Variants in NRXN1 observed in about 807,000 individuals in gnomAD.
NRXN1 encodes neurexin 1, also known as neurexin-1.
A neutral mutation model predicts 150.9 loss-of-function variants in NRXN1; 39 were observed. That is an observed-to-expected ratio of 0.26 (90% CI 0.20 to 0.34). The LOEUF is 0.34. NRXN1 is among the 10% of genes least tolerant of loss of function. The pLI is 1.00. For synonymous variants in NRXN1, 924 were observed against 757.0 expected (o/e 1.22, Z -3.62); for missense variants, 1,815 against 1,949.9 (o/e 0.93, Z 1.30).
At chr2:49,977,672 A>G (rs1263667151) in intron 21 of NRXN1, among the ~76,000 whole-genome samples, 1 of 152,168 alleles carries the variant, frequency 6.6e-6, no homozygotes, top group Non-Finnish European at 1.5e-5. Flanking sequence ...GACAACTCAA[A>G]GGATGGTGAC....
Position 50,052,519 on chromosome 2 carries a change from G to A in NRXN1, c.4128+752C>T, listed in dbSNP as rs566577628. 2.6e-5 allele frequency among the ~76,000 whole-genome samples: 4 copies of A among 152,028 alleles called. No individual in the cohort carries two copies. The South Asian group carries it at 8.3e-4, about 32-fold the overall frequency. On this transcript the variant is annotated intron_variant, in intron 21 of 22. Coordinates refer to ENST00000401669, the MANE Select transcript of NRXN1 (RefSeq NM_001330078.2). ...ATGGAACACCAATATTCAAACCAGT[G>A]CCTGAAATGTAGTAGGCAATCAATA...
At chr2:50,771,873 G>T (rs1025317344) in intron 5 of NRXN1, among the ~76,000 whole-genome samples, 19 of 152,034 alleles carry the variant, frequency 1.2e-4, no homozygotes, top group Admixed American at 5.2e-4. Flanking sequence ...CAGAATTCCT[G>T]CCCTAATAAA....
At chr2:50,019,312 G>A in intron 21 of NRXN1, 1 of 471,216 alleles carries the variant, frequency 2.1e-6, no homozygotes. Context: ...TGTTTATTCT[G>A]TACTTTTCTG....
At chr2:50,038,785 TC>T (rs1350030248) in intron 21 of NRXN1, among the ~76,000 whole-genome samples, 176 of 132,340 alleles carry the variant, frequency 1.3e-3, no homozygotes, top group African/African-American at 4.7e-3. Flanking sequence ...CTTCCTTCCT[TC>T]CTTCCCACCC....
In NRXN1 at chr2:51,028,427, TTTC is replaced by T. The variant is rs1017606429; in HGVS notation, c.-157_-155del. On this transcript the variant is annotated 5_prime_UTR_variant, in exon 2 of 23. Coordinates refer to ENST00000401669, the MANE Select transcript of NRXN1 (RefSeq NM_001330078.2). Reference sequence around the variant, plus strand: ...GTGCCCTCCTTTATCTAGTTCTTTTTTTCTTCTTCTTCTTCCAATAACCCCGCC... The same window carrying T: ...GTGCCCTCCTTTATCTAGTTCTTTTTTTCTTCTTCTTCCAATAACCCCGCC... 51 of 461,476 alleles carry T rather than the reference TTTC, an allele frequency of 1.1e-4. No individual in the cohort carries two copies. The highest frequency in any genetic ancestry group is 6.0e-4 in the South Asian group (9 of 14,896). The allele number at this position is 461,476 out of a possible 1,614,324, so 28.6% of individuals were successfully genotyped here.
chr2:50,349,611 C>T (rs536448941), intron 17 of NRXN1, among the ~76,000 whole-genome samples: 1 of 152,322 alleles, frequency 6.6e-6, no homozygotes, highest in Admixed American at 6.5e-5. Context: ...GAGTCTTTCC[C>T]TGAGGCACTG....
At chr2:50,506,821 A>G (rs537036722) in intron 12 of NRXN1, 98 of 543,078 alleles carry the variant, frequency 1.8e-4, no homozygotes, top group African/African-American at 1.8e-3. Flanking sequence ...TTAGAGTCAT[A>G]GCAAGCAAGG....
At chr2:50,110,808 T>C (rs1397122758) in intron 18 of NRXN1, among the ~76,000 whole-genome samples, 1 of 152,178 alleles carries the variant, frequency 6.6e-6, no homozygotes, top group Non-Finnish European at 1.5e-5. Flanking sequence ...CTACACAACA[T>C]GTATTTCAGT....
intron 2 of NRXN1, among the ~76,000 whole-genome samples, chr2:50,955,643 T>C (rs1692160024): frequency 6.6e-6 from 1 of 152,214 alleles, no homozygotes; most frequent in Non-Finnish European, 1.5e-5. Context: ...GTTAGGCAAC[T>C]CATTTATGCC....
At chr2:50,660,509 T>A (rs998511628) in intron 5 of NRXN1, among the ~76,000 whole-genome samples, 2 of 152,042 alleles carry the variant, frequency 1.3e-5, no homozygotes, top group African/African-American at 4.8e-5. Context: ...CACGACCTAG[T>A]ACCATTAATC....
chr2:50,088,183 C>A (rs1365205434), intron 19 of NRXN1, among the ~76,000 whole-genome samples: 4 of 152,098 alleles, frequency 2.6e-5, no homozygotes, highest in Non-Finnish European at 5.9e-5. Context: ...TTTACAATCA[C>A]CGTGTCACAA....
chr2:50,204,586 A>G (rs2062429036), intron 18 of NRXN1, among the ~76,000 whole-genome samples: 1 of 152,104 alleles, frequency 6.6e-6, no homozygotes, highest in Admixed American at 6.6e-5. Context: ...GAAGTGTTAT[A>G]TGAATTGATA....
rs1290475758 is a variant in NRXN1 at position 50,357,499 on chromosome 2, G to T, written c.3364+107943C>A. ...AATTTTGTATTTTTAGTAGAGATGGGGTTTCTCCATGTTAGTCAGGCTGAT... is the reference window on the plus strand; with the variant it reads ...AATTTTGTATTTTTAGTAGAGATGGTGTTTCTCCATGTTAGTCAGGCTGAT... On this transcript the variant is annotated intron_variant, in intron 17 of 22. Transcript: ENST00000401669. Among the ~76,000 whole-genome samples the T allele has an allele frequency of 2.6e-5, 4 of 151,638 alleles. No individual in the cohort carries two copies. The East Asian group carries it at 5.8e-4, about 22-fold the overall frequency.
At chr2:50,365,723 G>A (rs1047383442) in intron 17 of NRXN1, among the ~76,000 whole-genome samples, 4 of 151,936 alleles carry the variant, frequency 2.6e-5, no homozygotes, top group Non-Finnish European at 4.4e-5. Flanking sequence ...CCTTTTTCCC[G>A]CTTTGTCAAA....
intron 5 of NRXN1, among the ~76,000 whole-genome samples, chr2:50,910,029 A>G (rs1018311791): frequency 1.3e-5 from 2 of 151,676 alleles, no homozygotes; most frequent in Non-Finnish European, 2.9e-5. Context: ...TTTTTCTTGA[A>G]TTAAGAATAA....
intron 17 of NRXN1, among the ~76,000 whole-genome samples, chr2:50,251,769 T>G (rs1241984503): frequency 1.3e-5 from 2 of 152,218 alleles, no homozygotes; most frequent in East Asian, 3.8e-4. Flanking sequence ...GGTTCACATT[T>G]CTCTAATGAT....
At chr2:50,182,946 A>G (rs540526720) in intron 18 of NRXN1, among the ~76,000 whole-genome samples, 35 of 152,138 alleles carry the variant, frequency 2.3e-4, no homozygotes, top group Admixed American at 2.3e-3. Flanking sequence ...AAATTATCTC[A>G]CTAGAAGGCT....
At chr2:50,080,890 C>T (rs1697857246) in intron 19 of NRXN1, among the ~76,000 whole-genome samples, 1 of 152,108 alleles carries the variant, frequency 6.6e-6, no homozygotes, top group Non-Finnish European at 1.5e-5. Flanking sequence ...GAGGAGGTTT[C>T]TCCTCATATG....
chr2:50,126,777 C>T (rs989187102), intron 18 of NRXN1, among the ~76,000 whole-genome samples: 5 of 151,994 alleles, frequency 3.3e-5, no homozygotes, highest in African/African-American at 1.2e-4. Flanking sequence ...AGTTTTTGGT[C>T]TTTTAAGGAG....
Sources: allele counts gnomAD v4.1 joint callset (sites outside exome capture counted in the v4.1 genomes callset), GRCh38; gene constraint gnomAD v4.1.1; transcripts MANE v1.5; gene names NCBI Gene and HGNC (gene_info 2026-07-23, HGNC 2026-07-21).